ULK2: variants seen among roughly 807,000 people sequenced by gnomAD.
ULK2 encodes unc-51 like autophagy activating kinase 2.
In ULK2, 76 loss-of-function variants were observed where a neutral mutation model predicts 127.5. The observed-to-expected ratio is 0.60, with a 90% CI of 0.50 to 0.72. The LOEUF (loss-of-function observed/expected upper bound fraction) is 0.72, where lower values mean the gene tolerates loss of function less well. ULK2 is among the 30% of genes least tolerant of loss of function. ULK2 has a pLI of 0.00. For synonymous variants in ULK2, 452 were observed against 461.9 expected, an observed-to-expected ratio of 0.98 and a Z score of 0.28; for missense variants, 1,144 against 1,295.9, an observed-to-expected ratio of 0.88 and a Z score of 1.80.
rs1033284699 is a variant in ULK2, at chr17:19,776,290, G to A, written c.*59C>T. 5 of 1,471,486 alleles carry A rather than the reference G, an allele frequency of 3.4e-6. No homozygotes were observed. The Admixed American group carries it at 7.2e-5, about 21-fold the overall frequency. The allele number at this position is 1,471,486 out of a possible 1,614,324, so 91.2% of individuals were successfully genotyped here. A position where few individuals can be genotyped will look rare whatever the true frequency, so the allele number is the denominator to read the frequency against. ...GGGATGGGGTGACAGAACTCAAGCT[G>A]TAATCCCAAAGGCATCACCTCACGT... On this transcript the variant is annotated 3_prime_UTR_variant, in exon 27 of 27. Coordinates refer to ENST00000395544, the MANE Select transcript of ULK2 (RefSeq NM_014683.4).
chr17:19,802,117 A>G lies in ULK2; in HGVS notation c.1296-195T>C, dbSNP rs562323226. On this transcript the variant is annotated intron_variant, in intron 15 of 26. Transcript: ENST00000395544. The stretch of plus-strand genomic sequence containing the variant: ...TTCTATTCTATCTGCCTAATTCCCA[A>G]CACTTCCCCAATTCTGTTCAAAAGG... Among the ~76,000 whole-genome samples, 5 of 152,346 alleles carry G rather than the reference A, an allele frequency of 3.3e-5. No individual in the cohort carries two copies. In the South Asian group the frequency reaches 1.0e-3, roughly 32 times the overall value.
At position 19,825,112 on chromosome 17, in the gene ULK2, A is replaced by C. The variant is rs2041254809; in HGVS notation, c.906T>G (p.Cys302Trp). Reference sequence around the variant, plus strand: ...AACTTACTGGTGGAGAAGCAAAACGACAAGATGGAGAGCTGCCACAGGAGC... The same window carrying C: ...AACTTACTGGTGGAGAAGCAAAACGCCAAGATGGAGAGCTGCCACAGGAGC... ...SGSSCGSSPS[C>W]RFASPPSLPD... The change falls in exon 12 of 27, where the codon TGT becomes TGG. Residue 302 changes from cysteine to tryptophan, a missense_variant. Cys to Trp is a radical substitution (Grantham distance 215). This residue lies in a region of ULK2 where 913 missense variants were observed against 970.5 expected (regional missense o/e 0.94). Transcript: ENST00000395544. 6.2e-7 allele frequency: 1 copy of C among 1,614,066 alleles called. No individual in the cohort carries two copies. Among genetic ancestry groups the C allele is most frequent in the Non-Finnish European group, 8.5e-7 (1 of 1,180,032 alleles).
At chr17:19,779,172 C>A (rs190774897) in intron 25 of ULK2, among the ~76,000 whole-genome samples, 150 of 152,182 alleles carry the variant, frequency 9.9e-4, no homozygotes, top group Non-Finnish European at 1.1e-3. Context: ...TGTAATATAA[C>A]AGCACAGTTC....
rs755484577 is a variant in ULK2, at chr17:19,795,347, TAAAAAAAAAAA to T, written c.2101+264_2101+274del. Among the ~76,000 whole-genome samples the T allele has an allele frequency of 3.6e-3, 296 of 82,762 alleles. 3 individuals carry two copies. Among genetic ancestry groups the T allele is most frequent in the African/African-American group, 0.014 (283 of 19,608 alleles). The allele number at this position is 82,762 out of a possible 152,430, so 54.3% of individuals were successfully genotyped here. ...ACTTCGACCAGTATTACCCTACTGA[TAAAAAAAAAAA>T]AAAAAAAAAAAAAAATCTTCGTCAG... On this transcript the variant is annotated intron_variant, in intron 20 of 26. Coordinates refer to ENST00000395544, the MANE Select transcript of ULK2 (RefSeq NM_014683.4).
chr17:19,843,234 A>C lies in ULK2; in HGVS notation c.544-12T>G, dbSNP rs548573417. The C allele has an allele frequency of 1.2e-5, 18 of 1,531,058 alleles. No homozygotes were observed. In the African/African-American group the frequency reaches 2.0e-4, roughly 17 times the overall value. 94.8% of individuals were successfully genotyped at this position (1,531,058 alleles called of 1,614,324 possible). A position where few individuals can be genotyped will look rare whatever the true frequency, so the allele number is the denominator to read the frequency against. On this transcript the variant is annotated splice_polypyrimidine_tract_variant and intron_variant, in intron 7 of 26. Coordinates refer to ENST00000395544, the MANE Select transcript of ULK2 (RefSeq NM_014683.4). ...ATAACCTCAGGAGCCTGGGAACAGA[A>C]AAATTTAAGGGGCATGCCGTACGTT...
chr17:19,783,376 C>T (rs1199133604), intron 22 of ULK2, among the ~76,000 whole-genome samples: 1 of 152,084 alleles, frequency 6.6e-6, no homozygotes, highest in East Asian at 1.9e-4. Flanking sequence ...TGCTTGAACC[C>T]AGGAGGCAGA....
At chr17:19,814,440 T>TACACATATATA (rs1567696572) in intron 13 of ULK2, among the ~76,000 whole-genome samples, 2 of 7,076 alleles carry the variant, frequency 2.8e-4, no homozygotes, top group African/African-American at 7.5e-4. Context: ...ATATATATAT[T>TACACATATATA]TTTTTTTTTT....
At chr17:19,810,057 T>C (rs1177677026) in intron 14 of ULK2, among the ~76,000 whole-genome samples, 3 of 151,122 alleles carry the variant, frequency 2.0e-5, no homozygotes, top group African/African-American at 4.9e-5. Context: ...CAGTGAAACC[T>C]TGTCTCTATT....
chr17:19,826,335 G>T, intron 10 of ULK2, 149 bp from the exon 11 acceptor site: 1 of 361,102 alleles, frequency 2.8e-6, no homozygotes, highest in Non-Finnish European at 5.3e-6. Flanking sequence ...ATGTAAAAGC[G>T]TATTTTTTAT....
In ULK2 at chr17:19,867,452, G is replaced by C. The variant is rs749092121; in HGVS notation, c.-35C>G. ...CCCGGGGCACACAGCGGACGGGCGGGCGGCGCAGTGCGGCGCAGGTATCAG... is the reference window on the plus strand; with the variant it reads ...CCCGGGGCACACAGCGGACGGGCGGCCGGCGCAGTGCGGCGCAGGTATCAG... On this transcript the variant is annotated 5_prime_UTR_variant, in exon 1 of 27. Transcript: ENST00000395544. 2.6e-6 allele frequency: 4 copies of C among 1,541,886 alleles called. No individual in the cohort carries two copies. The highest frequency in any genetic ancestry group is 1.2e-5 in the South Asian group (1 of 85,672).
chr17:19,834,910 GAAA>G (rs199677501), intron 10 of ULK2, among the ~76,000 whole-genome samples: 3 of 120,950 alleles, frequency 2.5e-5, no homozygotes, highest in African/African-American at 3.1e-5. Flanking sequence ...CTCTGTCTCA[GAAA>G]AAAAAAAAAA....
At chr17:19,795,052 C>G (rs2087237732) in intron 20 of ULK2, among the ~76,000 whole-genome samples, 2 of 151,998 alleles carry the variant, frequency 1.3e-5, no homozygotes, top group South Asian at 4.1e-4. Context: ...GCCCTCCAAC[C>G]TGGGCGACTG....
chr17:19,794,294 C>T (rs1287178009), intron 20 of ULK2, among the ~76,000 whole-genome samples: 1 of 152,114 alleles, frequency 6.6e-6, no homozygotes, highest in Admixed American at 6.5e-5. Flanking sequence ...AATGAGCCAA[C>T]TATAAGAGTA....
intron 10 of ULK2, among the ~76,000 whole-genome samples, chr17:19,837,939 C>G (rs1413258096): frequency 1.3e-5 from 2 of 152,176 alleles, no homozygotes; most frequent in African/African-American, 4.8e-5. Context: ...CACTCAAAAC[C>G]CTCTAAATGG....
chr17:19,855,099 CAAA>C (rs59428848), intron 3 of ULK2, among the ~76,000 whole-genome samples: 4 of 100,546 alleles, frequency 4.0e-5, no homozygotes. Flanking sequence ...GATTCCATCT[CAAA>C]AAAAAAAAAA....
intron 13 of ULK2, among the ~76,000 whole-genome samples, chr17:19,812,857 T>G (rs573382286): frequency 6.6e-6 from 1 of 152,194 alleles, no homozygotes; most frequent in African/African-American, 2.4e-5. Flanking sequence ...AAGAAGCAGT[T>G]AGAATTTTAT....
intron 14 of ULK2, among the ~76,000 whole-genome samples, chr17:19,808,194 A>C (rs778473803): frequency 2.6e-5 from 4 of 152,258 alleles, no homozygotes; most frequent in Non-Finnish European, 5.9e-5. Flanking sequence ...CAGTCTCTTC[A>C]GCAAATGGTG....
intron 1 of ULK2, 22 bp from the exon 2 acceptor site, chr17:19,865,850 A>T: frequency 7.3e-7 from 1 of 1,374,132 alleles, no homozygotes; most frequent in Non-Finnish European, 1.0e-6. Context: ...AAACAGTGTT[A>T]CTCCTAGATA....
At chr17:19,847,985 C>A (rs886263425) in intron 5 of ULK2, among the ~76,000 whole-genome samples, 2 of 152,136 alleles carry the variant, frequency 1.3e-5, no homozygotes, top group African/African-American at 4.8e-5. Context: ...CCTCTGTGCC[C>A]ACCTTCCTCA....
Sources: gnomAD v4.1 joint callset for allele counts (sites outside exome capture counted in the v4.1 genomes callset) on GRCh38, gnomAD v4.1.1 for gene constraint, gnomAD v4.1.1 regional missense constraint, MANE v1.5 for transcripts, NCBI Gene and HGNC (gene_info 2026-07-23, HGNC 2026-07-21) for gene names.